ANKRD26: variants seen among roughly 807,000 people sequenced by gnomAD.
The protein encoded by ANKRD26 is ankyrin repeat domain-containing protein 26.
ANKRD26 carries 141 observed loss-of-function variants against 208.7 expected under a neutral mutation model. The observed-to-expected ratio is 0.68, with a 90% CI of 0.59 to 0.78. The LOEUF is 0.78. Ranked by LOEUF, ANKRD26 falls within the 30% of genes least tolerant of loss-of-function variation. The probability of loss-of-function intolerance (pLI) is 0.00; values close to 1 mark genes in which losing one functional copy is unlikely to be tolerated. For missense variants in ANKRD26, 1,889 were observed against 1,938.7 expected (o/e 0.97, Z 0.48); for synonymous variants, 636 against 660.4 (o/e 0.96, Z 0.57).
At chr10:26,969,656 A>G (rs1264452021), downstream of ANKRD26, among the ~76,000 whole-genome samples, 1 of 152,170 alleles carries the variant, frequency 6.6e-6, no homozygotes, top group African/African-American at 2.4e-5. Context: ...CATTCAATCT[A>G]CAAAGAACAA....
At chr10:27,016,134 C>T (rs1483910784) in intron 30 of ANKRD26, among the ~76,000 whole-genome samples, 2 of 152,102 alleles carry the variant, frequency 1.3e-5, no homozygotes, top group African/African-American at 4.8e-5. Context: ...TACAGCCATG[C>T]ACCACCATGC....
intron 6 of ANKRD26, among the ~76,000 whole-genome samples, chr10:27,079,401 A>G (rs375289009): frequency 6.4e-4 from 97 of 152,378 alleles, no homozygotes; most frequent in African/African-American, 2.3e-3. Context: ...TATTCGATAA[A>G]GACTCAACCT....
chr10:26,958,073 T>TTATATATATATACATATATATATATA, the ANKRD26 span, among the ~76,000 whole-genome samples: 1 of 144,160 alleles, frequency 6.9e-6, no homozygotes, highest in Non-Finnish European at 1.5e-5. Flanking sequence ...TCACCCAGTT[T>TTATATATATATACATATATATATATA]TATATATATA....
At chr10:27,043,187 AAG>A (rs1491504757) in intron 20 of ANKRD26, among the ~76,000 whole-genome samples, 216 of 152,114 alleles carry the variant, frequency 1.4e-3, no homozygotes, top group Non-Finnish European at 2.5e-3. Context: ...GAAAAAAAAA[AAG>A]AGAATGAAAA....
chr10:27,008,612 C>T (rs980386149), intron 32 of ANKRD26, among the ~76,000 whole-genome samples: 4 of 151,980 alleles, frequency 2.6e-5, no homozygotes, highest in Non-Finnish European at 4.4e-5. Flanking sequence ...ATAATATGTA[C>T]GTTTTGCTTA....
At chr10:26,983,510 A>G (rs1242430461) in intron 3 of ANKRD26, among the ~76,000 whole-genome samples, 1 of 152,256 alleles carries the variant, frequency 6.6e-6, no homozygotes, top group African/African-American at 2.4e-5. Context: ...TATGGTCACA[A>G]TGTTCTCCAA....
At chr10:26,975,754 A>G (rs941812840) in exon 6 of ANKRD26, among the ~76,000 whole-genome samples, 1 of 152,042 alleles carries the variant, frequency 6.6e-6, no homozygotes, top group Non-Finnish European at 1.5e-5. Flanking sequence ...AGGCAGGAGA[A>G]TTGCTTGAAC....
the ANKRD26 span, among the ~76,000 whole-genome samples, chr10:26,963,915 T>TG: frequency 7.3e-6 from 1 of 137,714 alleles, no homozygotes; most frequent in African/African-American, 2.7e-5. Context: ...TTTTTTTTTT[T>TG]TTTTTTTTTT....
At position 27,024,512 on chromosome 10, in the gene ANKRD26, CTGTTT is replaced by C. The variant is rs2053596178; in HGVS notation, c.4015_4019del (p.Lys1339ValfsTer5). 6.3e-7 allele frequency: 1 copy of C among 1,586,788 alleles called. No homozygotes were observed. The highest frequency in any genetic ancestry group is 2.3e-5 in the East Asian group (1 of 44,416). ...CTTGATCCAAATTACATTCCAGTGACTGTTTTAATTCCATAAGTTTCTTTAATTGT... is the reference window on the plus strand; with the variant it reads ...CTTGATCCAAATTACATTCCAGTGACTAATTCCATAAGTTTCTTTAATTGT... On this transcript the variant is annotated frameshift_variant, in exon 28 of 34. Transcript: ENST00000376087. LOFTEE classifies it high-confidence loss of function.
the ANKRD26 span, among the ~76,000 whole-genome samples, chr10:26,957,047 AG>A: frequency 6.6e-6 from 1 of 152,248 alleles, no homozygotes; most frequent in Non-Finnish European, 1.5e-5. Context: ...TTATTGCTAG[AG>A]AACTCATTCA....
At chr10:27,081,881 CG>C (rs2055919859) in intron 6 of ANKRD26, among the ~76,000 whole-genome samples, 1 of 151,706 alleles carries the variant, frequency 6.6e-6, no homozygotes, top group Non-Finnish European at 1.5e-5. Context: ...GGACTATAGG[CG>C]TGCGCCACCA....
chr10:26,959,982 G>C, the ANKRD26 span, among the ~76,000 whole-genome samples: 1 of 152,016 alleles, frequency 6.6e-6, no homozygotes, highest in African/African-American at 2.4e-5. Flanking sequence ...AGCATAGTGA[G>C]ACCTCGTCTC....
intron 11 of ANKRD26, among the ~76,000 whole-genome samples, chr10:27,065,104 A>T (rs1235920136): frequency 6.6e-6 from 1 of 152,072 alleles, no homozygotes; most frequent in East Asian, 1.9e-4. Context: ...TTAGTTGGCA[A>T]TCTAAGGTCA....
chr10:27,085,071 T>C (rs577791457), intron 5 of ANKRD26, among the ~76,000 whole-genome samples: 31 of 152,130 alleles, frequency 2.0e-4, no homozygotes, highest in African/African-American at 7.5e-4. Context: ...ATGACAATTA[T>C]TCAGCAGACA....
At chr10:27,056,160 T>G (rs1203265321) in intron 15 of ANKRD26, among the ~76,000 whole-genome samples, 2 of 152,150 alleles carry the variant, frequency 1.3e-5, no homozygotes, top group Non-Finnish European at 2.9e-5. Flanking sequence ...CAAAGTACTT[T>G]CGCTAAAAAT....
intron 21 of ANKRD26, among the ~76,000 whole-genome samples, chr10:27,039,278 C>A (rs1290319583): frequency 1.3e-5 from 2 of 151,912 alleles, no homozygotes; most frequent in African/African-American, 4.8e-5. Context: ...ATGGTGAAAC[C>A]CCGTCTCTAC....
At chr10:27,090,991 G>A (rs971711338) in intron 4 of ANKRD26, among the ~76,000 whole-genome samples, 3 of 152,140 alleles carry the variant, frequency 2.0e-5, no homozygotes, top group African/African-American at 7.2e-5. Flanking sequence ...AGCTACTCAG[G>A]AGGCTGAGGC....
chr10:26,972,673 T>C (rs577262473), downstream of ANKRD26, among the ~76,000 whole-genome samples: 33 of 150,204 alleles, frequency 2.2e-4, no homozygotes, highest in South Asian at 1.3e-3. Context: ...TCACTGCAAG[T>C]TCCGCCTCCC....
intron 5 of ANKRD26, among the ~76,000 whole-genome samples, chr10:26,978,958 C>G (rs1589161569): frequency 1.3e-5 from 2 of 152,294 alleles, no homozygotes; most frequent in South Asian, 4.1e-4. Flanking sequence ...CGCGATGGCT[C>G]AAGCCTGTAA....
Sources: allele counts gnomAD v4.1 joint callset (sites outside exome capture counted in the v4.1 genomes callset), GRCh38; gene constraint gnomAD v4.1.1; transcripts MANE v1.5; gene names NCBI Gene and HGNC (gene_info 2026-07-23, HGNC 2026-07-21).